KIF4A: variants seen among roughly 807,000 people sequenced by gnomAD.
The protein encoded by KIF4A is chromosome-associated kinesin KIF4A.
Under a neutral mutation model 105.9 loss-of-function variants are expected in KIF4A, and 7 were observed. The observed-to-expected ratio is 0.07, with a 90% CI of 0.04 to 0.12. KIF4A has a LOEUF of 0.12. KIF4A is among the 10% of genes least tolerant of loss of function. The pLI is 1.00. For synonymous variants in KIF4A, 281 were observed against 331.3 expected, an observed-to-expected ratio of 0.85 and a Z score of 1.65; for missense variants, 558 against 929.2, an observed-to-expected ratio of 0.60 and a Z score of 5.19.
chrX:70,401,072 G>T lies in KIF4A; in HGVS notation c.2490-1494G>T, dbSNP rs757320538. On this transcript the variant is annotated intron_variant, in intron 22 of 30. Transcript: ENST00000374403. Reference sequence around the variant, plus strand: ...GTGAGCCACCGCGCCCCGCCAATAGGTTTATGATTTTTTTTTTTTTTTTTT... The same window carrying T: ...GTGAGCCACCGCGCCCCGCCAATAGTTTTATGATTTTTTTTTTTTTTTTTT... 6.4e-3 allele frequency among the ~76,000 whole-genome samples: 654 copies of T among 101,679 alleles called. 6 individuals are homozygous for T. The highest frequency in any genetic ancestry group is 0.022 in the African/African-American group (610 of 27,260). The allele number at this position is 101,679 out of a possible 115,157, so 88.3% of individuals were successfully genotyped here.
intron 3 of KIF4A, among the ~76,000 whole-genome samples, chrX:70,294,611 G>A (rs1029223810): frequency 3.6e-5 from 4 of 112,343 alleles, no homozygotes; most frequent in Non-Finnish European, 5.6e-5. Flanking sequence ...TTTCACCATC[G>A]TGTATACATT....
At chrX:70,311,305 T>C (rs2085848933) in intron 7 of KIF4A, among the ~76,000 whole-genome samples, 1 of 111,806 alleles carries the variant, frequency 8.9e-6, no homozygotes, top group African/African-American at 3.2e-5. Flanking sequence ...TTCTATCACA[T>C]TTGACAGATT....
intron 18 of KIF4A, among the ~76,000 whole-genome samples, chrX:70,379,437 A>G (rs2086188481): frequency 8.9e-6 from 1 of 111,861 alleles, no homozygotes; most frequent in Non-Finnish European, 1.9e-5. Context: ...CTTCCCACAA[A>G]GAAAATTCCA....
chrX:70,356,989 C>T (rs2086054232), intron 15 of KIF4A, among the ~76,000 whole-genome samples: 1 of 111,911 alleles, frequency 8.9e-6, no homozygotes, highest in South Asian at 3.7e-4. Context: ...CTCATTTTTT[C>T]CATTTACTTA....
rs964648098 is a variant in KIF4A, at chrX:70,350,288, C to T, written c.1432-2312C>T. Among the ~76,000 whole-genome samples, 22 of 111,500 alleles carry T rather than the reference C, an allele frequency of 2.0e-4. 1 individual carries two copies. Among genetic ancestry groups the T allele is most frequent in the African/African-American group, 7.2e-4 (22 of 30,643 alleles). ...TCACTCGAGGTCAAGAGCTGGAGACCAGCCTGGTCAACACGGCGAAACCCC... is the reference window on the plus strand; with the variant it reads ...TCACTCGAGGTCAAGAGCTGGAGACTAGCCTGGTCAACACGGCGAAACCCC... On this transcript the variant is annotated intron_variant, in intron 13 of 30. Transcript: ENST00000374403.
chrX:70,417,308 G>A (rs1309678045), intron 28 of KIF4A, among the ~76,000 whole-genome samples: 1 of 111,866 alleles, frequency 8.9e-6, no homozygotes, highest in African/African-American at 3.3e-5. Flanking sequence ...TTCGAGACCA[G>A]CCTGGGCAAC....
intron 25 of KIF4A, 77 bp downstream of exon 25, chrX:70,404,899 T>A: frequency 1.6e-6 from 1 of 634,243 alleles, no homozygotes; most frequent in Non-Finnish European, 2.5e-6. Flanking sequence ...ACCCTTGTAC[T>A]TGCAGCAGAG....
intron 5 of KIF4A, among the ~76,000 whole-genome samples, chrX:70,300,157 C>G (rs2085799184): frequency 9.0e-6 from 1 of 111,584 alleles, no homozygotes; most frequent in African/African-American, 3.3e-5. Flanking sequence ...GGACAGGTGC[C>G]TGTGCTCCTG....
intron 7 of KIF4A, among the ~76,000 whole-genome samples, chrX:70,325,849 T>C (rs2085909138): frequency 9.0e-6 from 1 of 111,191 alleles, no homozygotes; most frequent in Admixed American, 9.6e-5. Flanking sequence ...TAAATATAGA[T>C]AGCCCTTTAC....
At chrX:70,412,674 A>C (rs1329899718) in intron 28 of KIF4A, among the ~76,000 whole-genome samples, 1 of 111,698 alleles carries the variant, frequency 9.0e-6, no homozygotes, top group Non-Finnish European at 1.9e-5. Context: ...TGTAATCCCG[A>C]CACTTTGGGA....
intron 5 of KIF4A, among the ~76,000 whole-genome samples, chrX:70,300,743 G>A (rs1285752469): frequency 8.9e-6 from 1 of 111,770 alleles, no homozygotes; most frequent in Non-Finnish European, 1.9e-5. Flanking sequence ...TTTATCTTAT[G>A]TGTGTATCTC....
intron 15 of KIF4A, among the ~76,000 whole-genome samples, chrX:70,365,238 T>C (rs901978211): frequency 1.4e-4 from 16 of 111,871 alleles, no homozygotes; most frequent in African/African-American, 5.2e-4. Context: ...CTTCATTTCC[T>C]TCTCCTGTCT....
At chrX:70,333,104 C>T (rs1469431782) in intron 9 of KIF4A, among the ~76,000 whole-genome samples, 4 of 110,005 alleles carry the variant, frequency 3.6e-5, no homozygotes, top group African/African-American at 6.6e-5. Context: ...TTTGGGAGGA[C>T]GAGGTAGGTG....
At chrX:70,389,091 C>T (rs1309067614) in intron 20 of KIF4A, among the ~76,000 whole-genome samples, 1 of 109,547 alleles carries the variant, frequency 9.1e-6, no homozygotes, top group African/African-American at 3.3e-5. Flanking sequence ...CTCTACAAAA[C>T]AAAATTTTAA....
chrX:70,341,994 T>A lies in KIF4A; in HGVS notation c.1266+63T>A, dbSNP rs552959090. 2,717 of 1,131,303 alleles carry A rather than the reference T, an allele frequency of 2.4e-3. 38 individuals carry two copies. The South Asian group carries it at 0.052, about 22-fold the overall frequency. 93.2% of individuals were successfully genotyped at this position (1,131,303 alleles called of 1,213,427 possible). On this transcript the variant is annotated intron_variant, in intron 11 of 30. Transcript: ENST00000374403. ...TTTACTAGCTTTAGTTTCCAGAATA[T>A]TTAACATGTATCTCATTATGAGAGA...
At position 70,361,434 on chromosome X, in the gene KIF4A, A is replaced by G. The variant is rs146385055; in HGVS notation, c.1674+7627A>G. ...CAGAGTTCTCACTCAGCAGACCTGTATCATTATATACATCACCATGTTATC... is the reference window on the plus strand; with the variant it reads ...CAGAGTTCTCACTCAGCAGACCTGTGTCATTATATACATCACCATGTTATC... On this transcript the variant is annotated intron_variant, in intron 15 of 30. Transcript: ENST00000374403. The G allele has an allele frequency of 4.6e-3, 558 of 122,208 alleles. 6 individuals are homozygous for G. The highest frequency in any genetic ancestry group is 0.017 in the African/African-American group (541 of 31,554). 10.1% of individuals were successfully genotyped at this position (122,208 alleles called of 1,213,427 possible). A position where few individuals can be genotyped will look rare whatever the true frequency, so the allele number is the denominator to read the frequency against.
rs868671980 is a variant in KIF4A, at chrX:70,361,771, G to A, written c.1674+7964G>A. ...ACCTTGAATCACAGGAAGTGCCCAG[G>A]CTGGGCTGGTCCTGCAGTGACCATA... On this transcript the variant is annotated intron_variant, in intron 15 of 30. Coordinates refer to ENST00000374403, the MANE Select transcript of KIF4A (RefSeq NM_012310.5). 3 of 115,686 alleles carry A rather than the reference G, an allele frequency of 2.6e-5. No homozygotes were observed. The Middle Eastern group carries it at 7.9e-3, about 304-fold the overall frequency. The allele number at this position is 115,686 out of a possible 1,213,427, so 9.5% of individuals were successfully genotyped here.
At chrX:70,314,286 C>G (rs1036036322) in intron 7 of KIF4A, among the ~76,000 whole-genome samples, 1 of 112,163 alleles carries the variant, frequency 8.9e-6, no homozygotes, top group South Asian at 3.7e-4. Context: ...GTTGCTAAAC[C>G]CTCTGGAATA....
chrX:70,375,856 G>A (rs1237339383), intron 17 of KIF4A, among the ~76,000 whole-genome samples: 1 of 111,630 alleles, frequency 9.0e-6, no homozygotes, highest in Non-Finnish European at 1.9e-5. Context: ...ATTTAGGGCT[G>A]GATTTAGCTT....
Sources: allele counts gnomAD v4.1 joint callset (sites outside exome capture counted in the v4.1 genomes callset), GRCh38; gene constraint gnomAD v4.1.1; transcripts MANE v1.5; gene names NCBI Gene and HGNC (gene_info 2026-07-23, HGNC 2026-07-21).